Variants in POLR1C observed in about 807,000 individuals in gnomAD.
The protein encoded by POLR1C is DNA-directed RNA polymerases I and III subunit RPAC1.
In POLR1C, 42 loss-of-function variants were observed where a neutral mutation model predicts 38.3. That is an observed-to-expected ratio of 1.10 (90% CI 0.86 to 1.42). The LOEUF (loss-of-function observed/expected upper bound fraction) is 1.42, where lower values mean the gene tolerates loss of function less well. Among genes scored for constraint, POLR1C ranks in the 40% most tolerant of loss-of-function variants. The pLI, the probability that POLR1C is intolerant of heterozygous loss-of-function variation, is 0.00. For missense variants in POLR1C, 507 were observed against 450.5 expected (o/e 1.13, Z -1.14); for synonymous variants, 163 against 163.9 (o/e 0.99, Z 0.04).
downstream of POLR1C, chr6:43,531,639 T>A (rs919368893): frequency 3.6e-6 from 5 of 1,382,142 alleles, no homozygotes; most frequent in Non-Finnish European, 5.2e-6. Flanking sequence ...TGGCCAACAC[T>A]CTACAGCAGG....
At chr6:43,556,960 T>C (rs774707093) in intron 10 of POLR1C, among the ~76,000 whole-genome samples, 1 of 151,848 alleles carries the variant, frequency 6.6e-6, no homozygotes, top group Non-Finnish European at 1.5e-5. Flanking sequence ...AAACCCAGTC[T>C]CTACTAAAAA....
At chr6:43,522,435 G>A (rs1346144973), downstream of POLR1C, 1 of 159,380 alleles carries the variant, frequency 6.3e-6, no homozygotes, top group Non-Finnish European at 1.4e-5. Flanking sequence ...CTAGCATGAA[G>A]TCACAGGATG....
At chr6:43,558,774 C>T (rs984459280) in intron 10 of POLR1C, 6 of 495,800 alleles carry the variant, frequency 1.2e-5, no homozygotes, top group African/African-American at 1.2e-4. Flanking sequence ...TTCCAGTATT[C>T]CTCAGTGGTA....
At position 43,546,552 on chromosome 6, in the gene POLR1C, A is replaced by T. The variant is rs746696604; in HGVS notation, c.*5-4416A>T. On this transcript the variant is annotated intron_variant, in intron 9 of 10. Transcript: ENST00000607635. ...GGTAAAGTAGAAAACAACAGAGAAA[A>T]GCCATTATTCTGACTCACCTTATAA... 5 of 1,588,474 alleles carry T rather than the reference A, an allele frequency of 3.1e-6. No homozygotes were observed. In the African/African-American group the frequency reaches 6.8e-5, roughly 22 times the overall value.
chr6:43,517,219 G>A, intron 1 of POLR1C, 41 bp downstream of exon 1: 1 of 1,610,842 alleles, frequency 6.2e-7, no homozygotes, highest in Admixed American at 1.7e-5. Flanking sequence ...AGGAATGAGA[G>A]CGGAACAGGG....
chr6:43,525,989 G>A (rs1233050996), downstream of POLR1C: 29 of 1,572,298 alleles, frequency 1.8e-5, 1 homozygote, highest in Middle Eastern at 5.5e-4. Context: ...TGTTCTGACA[G>A]AAGCGCAAAA....
chr6:43,541,235 T>C (rs1794676176), intron 9 of POLR1C, among the ~76,000 whole-genome samples: 1 of 152,172 alleles, frequency 6.6e-6, no homozygotes, highest in African/African-American at 2.4e-5. Flanking sequence ...TGATTGTACA[T>C]TTAAAAAGCA....
chr6:43,555,986 G>A (rs1762059175), intron 10 of POLR1C: 1 of 1,611,990 alleles, frequency 6.2e-7, no homozygotes, highest in African/African-American at 1.3e-5. Context: ...AAATGCCAAG[G>A]GAAGGACAGG....
intron 3 of POLR1C, 49 bp downstream of exon 3, chr6:43,519,489 T>C (rs1346670610): frequency 2.9e-6 from 4 of 1,397,414 alleles, no homozygotes; most frequent in Non-Finnish European, 2.0e-6. Flanking sequence ...GGAACTGCAC[T>C]GACACCTCAC....
chr6:43,542,759 A>G (rs183101636), intron 9 of POLR1C, among the ~76,000 whole-genome samples: 220 of 152,348 alleles, frequency 1.4e-3, no homozygotes, highest in South Asian at 2.1e-3. Flanking sequence ...CAACTCCAGC[A>G]TATAACTGGT....
At chr6:43,531,695 C>T (rs1793990214), downstream of POLR1C, 5 of 839,988 alleles carry the variant, frequency 6.0e-6, no homozygotes, top group East Asian at 1.3e-4. Flanking sequence ...TGGTGCTGTA[C>T]TGCAAAGCAG....
chr6:43,547,260 GTTAAGCCATCAC>G (rs1795008374), intron 9 of POLR1C: 1 of 382,956 alleles, frequency 2.6e-6, no homozygotes, highest in African/African-American at 2.1e-5. Flanking sequence ...AGGTTTGCAA[GTTAAGCCATCAC>G]TTAAGACTTT....
intron 10 of POLR1C, chr6:43,556,155 T>A (rs1196690886): frequency 1.6e-5 from 11 of 680,352 alleles, no homozygotes; most frequent in Non-Finnish European, 2.5e-5. Flanking sequence ...AAATAAATGA[T>A]CTCTGGAAAC....
At chr6:43,535,278 C>A (rs1452727319) in intron 9 of POLR1C, among the ~76,000 whole-genome samples, 3 of 147,532 alleles carry the variant, frequency 2.0e-5, no homozygotes, top group African/African-American at 5.2e-5. Context: ...ACAACAACAA[C>A]AAAACCCCAA....
At chr6:43,555,329 G>A (rs1762017021) in intron 10 of POLR1C, 1 of 153,540 alleles carries the variant, frequency 6.5e-6, no homozygotes, top group Admixed American at 6.4e-5. Flanking sequence ...TTAACTGGCT[G>A]AGGCATTCGG....
At chr6:43,521,145 A>G in intron 8 of POLR1C, 37 bp from the exon 9 acceptor site, 1 of 1,610,432 alleles carries the variant, frequency 6.2e-7, no homozygotes, top group Non-Finnish European at 8.5e-7. Flanking sequence ...TTTACAGGCA[A>G]GCCCTGCCTA....
In POLR1C at chr6:43,517,135, A is replaced by T. The variant is rs1309369908; in HGVS notation, c.26A>T (p.Glu9Val). The change falls in exon 1 of 9, where the codon GAA (glutamate) becomes GTA (valine). Residue 9 changes from glutamate (E) to valine (V), a missense_variant. By Grantham distance (121) the Glu-to-Val change is moderately radical. Coordinates refer to ENST00000642195, the MANE Select transcript of POLR1C (RefSeq NM_203290.4). MAASQAVE[E>V]MRSRVVLGEF... ...ATGGCGGCTTCTCAGGCGGTGGAGG[A>T]AATGCGGAGCCGCGTGGTTCTGGGG... The T allele has an allele frequency of 1.9e-6, 3 of 1,613,990 alleles. No individual in the cohort carries two copies.
chr6:43,539,241 T>A lies in POLR1C; in HGVS notation c.*4+9882T>A, dbSNP rs553378231. On this transcript the variant is annotated intron_variant, in intron 9 of 10. Coordinates refer to the POLR1C transcript ENST00000607635. ...ACAATGGAGAGCTTGGCCAGGATGA[T>A]GGCCCCACGGGTGGCGGTGGCCACC... The A allele has an allele frequency of 6.1e-6, 8 of 1,319,730 alleles. No individual in the cohort carries two copies. The East Asian group carries it at 1.6e-4, about 27-fold the overall frequency. The allele number at this position is 1,319,730 out of a possible 1,614,324, so 81.8% of individuals were successfully genotyped here.
downstream of POLR1C, chr6:43,524,999 G>C: frequency 6.2e-7 from 1 of 1,608,324 alleles, no homozygotes; most frequent in East Asian, 2.2e-5. Context: ...TAGGGCCACA[G>C]GGGGCCTCTC....
Sources: allele counts gnomAD v4.1 joint callset (sites outside exome capture counted in the v4.1 genomes callset), GRCh38; gene constraint gnomAD v4.1.1; transcripts MANE v1.5; gene names NCBI Gene and HGNC (gene_info 2026-07-23, HGNC 2026-07-21).